RIMS1: variants seen among roughly 807,000 people sequenced by gnomAD.
RIMS1 encodes regulating synaptic membrane exocytosis 1.
RIMS1 carries 83 observed loss-of-function variants against 214.1 expected under a neutral mutation model. The ratio of observed to expected loss-of-function variants is 0.39; its 90% CI spans 0.32 to 0.47. The LOEUF is 0.47. Among genes scored for constraint, RIMS1 ranks in the 20% least tolerant of loss-of-function variants. The pLI, the probability that RIMS1 is intolerant of heterozygous loss-of-function variation, is 0.99. For synonymous variants in RIMS1, 793 were observed against 786.8 expected (o/e 1.01, Z -0.13); for missense variants, 2,050 against 2,161.8 (o/e 0.95, Z 1.03).
chr6:71,999,844 G>A (rs371858561), intron 2 of RIMS1, among the ~76,000 whole-genome samples: 4 of 152,028 alleles, frequency 2.6e-5, no homozygotes, highest in Admixed American at 1.3e-4. Flanking sequence ...CCAGCCTATC[G>A]TTCTCATAAT....
intron 29 of RIMS1, among the ~76,000 whole-genome samples, chr6:72,385,786 G>C (rs1396003721): frequency 6.6e-6 from 1 of 152,188 alleles, no homozygotes; most frequent in East Asian, 1.9e-4. Flanking sequence ...ATAAAACAAT[G>C]TTTCTTCTAA....
chr6:71,913,797 C>A (rs1777590707), intron 1 of RIMS1, among the ~76,000 whole-genome samples: 1 of 152,106 alleles, frequency 6.6e-6, no homozygotes, highest in African/African-American at 2.4e-5. Flanking sequence ...GCACACTTCT[C>A]TCTCCTCAAC....
chr6:72,363,439 G>T (rs573142209), intron 29 of RIMS1, among the ~76,000 whole-genome samples: 4 of 152,194 alleles, frequency 2.6e-5, no homozygotes, highest in Admixed American at 2.0e-4. Context: ...AATTTGATTC[G>T]CAGATTTAAA....
intron 15 of RIMS1, among the ~76,000 whole-genome samples, chr6:72,251,862 C>T (rs1390260809): frequency 6.6e-6 from 1 of 152,092 alleles, no homozygotes; most frequent in Non-Finnish European, 1.5e-5. Flanking sequence ...AGAAGTGCGC[C>T]ACCATGCCTG....
intron 1 of RIMS1, among the ~76,000 whole-genome samples, chr6:71,934,390 C>T (rs188727183): frequency 6.6e-6 from 1 of 152,298 alleles, no homozygotes; most frequent in Non-Finnish European, 1.5e-5. Flanking sequence ...TTACAATTAT[C>T]TACCTAAAAA....
At chr6:72,049,953 C>T (rs1177116803) in intron 2 of RIMS1, among the ~76,000 whole-genome samples, 1 of 152,076 alleles carries the variant, frequency 6.6e-6, no homozygotes, top group African/African-American at 2.4e-5. Flanking sequence ...ATGATGAAGG[C>T]ATGGTCAGAA....
chr6:72,110,131 A>G (rs2035736565), intron 4 of RIMS1, among the ~76,000 whole-genome samples: 1 of 152,222 alleles, frequency 6.6e-6, no homozygotes. Flanking sequence ...GAAGTCAGGT[A>G]GCATGATGCC....
At chr6:72,378,601 G>A (rs567097111) in intron 29 of RIMS1, among the ~76,000 whole-genome samples, 58 of 152,260 alleles carry the variant, frequency 3.8e-4, no homozygotes, top group African/African-American at 1.3e-3. Context: ...AGGCCAAGGC[G>A]GGTGGATCAC....
chr6:72,259,060 T>C lies in RIMS1; in HGVS notation c.3002T>C (p.Val1001Ala), dbSNP rs770258909. ...TRHHDASRSP[V>A]DHRTRDVDSQ... ...CACCATGATGCCTCCCGAAGTCCAGTTGATCATAGAACCAGAGATGTGGAT... is the reference window on the plus strand; with the variant it reads ...CACCATGATGCCTCCCGAAGTCCAGCTGATCATAGAACCAGAGATGTGGAT... The change falls in exon 18 of 34, where the codon GTT becomes GCT. Residue 1001 changes from valine (V) to alanine (A), a missense_variant. Physicochemically the swap from Val to Ala is moderately conservative, Grantham distance 64. Around this residue, in one of 6 missense-constraint regions of RIMS1, gnomAD observed 889 missense variants for 885.5 expected, o/e 1.00. Transcript: ENST00000521978. 8.9e-5 allele frequency: 144 copies of C among 1,612,540 alleles called. No individual in the cohort carries two copies. Among genetic ancestry groups the C allele is most frequent in the Non-Finnish European group, 1.1e-4 (134 of 1,178,916 alleles).
chr6:72,227,381 T>A (rs916657728), intron 6 of RIMS1, among the ~76,000 whole-genome samples: 14 of 151,658 alleles, frequency 9.2e-5, no homozygotes, highest in African/African-American at 2.9e-4. Flanking sequence ...TGCAGTTTCG[T>A]GCACATTATC....
chr6:72,369,430 T>A (rs753415627), intron 29 of RIMS1, among the ~76,000 whole-genome samples: 1 of 152,190 alleles, frequency 6.6e-6, no homozygotes, highest in South Asian at 2.1e-4. Context: ...TATTAAAAGA[T>A]GTGTTACAAG....
In RIMS1 at chr6:72,271,581, T is replaced by G. The variant is rs568736677; in HGVS notation, c.3399-2768T>G. On this transcript the variant is annotated intron_variant, in intron 22 of 33. Coordinates refer to ENST00000521978, the MANE Select transcript of RIMS1 (RefSeq NM_014989.7). The stretch of plus-strand genomic sequence containing the variant: ...GAGATATGCACCATTGAAAGACGTG[T>G]GTATATGCAAGTACAGGTATTAATA... Among the ~76,000 whole-genome samples the G allele has an allele frequency of 2.0e-5, 3 of 152,186 alleles. No homozygotes were observed. In the East Asian group the frequency reaches 5.8e-4, roughly 29 times the overall value.
chr6:72,187,075 G>A (rs894706850), intron 6 of RIMS1, among the ~76,000 whole-genome samples: 6 of 152,086 alleles, frequency 3.9e-5, no homozygotes, highest in South Asian at 2.1e-4. Flanking sequence ...GCGGTGAGCC[G>A]AGATTGTGCC....
intron 2 of RIMS1, among the ~76,000 whole-genome samples, chr6:72,053,176 A>G (rs534345619): frequency 1.5e-4 from 23 of 152,230 alleles, no homozygotes; most frequent in South Asian, 4.2e-4. Context: ...CCCAGTCCCT[A>G]TGTTCCTCAC....
intron 4 of RIMS1, among the ~76,000 whole-genome samples, chr6:72,120,614 C>A (rs1488798625): frequency 5.9e-5 from 9 of 151,908 alleles, no homozygotes; most frequent in Non-Finnish European, 1.5e-5. Context: ...CCTGTTCACT[C>A]TGATGGTAGT....
chr6:71,922,901 T>C (rs886491619), intron 1 of RIMS1, among the ~76,000 whole-genome samples: 1 of 152,174 alleles, frequency 6.6e-6, no homozygotes, highest in Non-Finnish European at 1.5e-5. Flanking sequence ...CCAGACTCCA[T>C]GGAGGAATAA....
intron 6 of RIMS1, among the ~76,000 whole-genome samples, chr6:72,213,763 C>T (rs772108673): frequency 6.6e-6 from 1 of 152,044 alleles, no homozygotes; most frequent in East Asian, 1.9e-4. Context: ...CAGGCCTTGA[C>T]CTAAACTACA....
chr6:72,388,414 G>C (rs1375525843), intron 29 of RIMS1, among the ~76,000 whole-genome samples: 3 of 152,212 alleles, frequency 2.0e-5, no homozygotes, highest in Non-Finnish European at 2.9e-5. Flanking sequence ...CCAAGGACCA[G>C]ATGATATGGC....
At chr6:72,012,872 G>T (rs1811312478) in intron 2 of RIMS1, among the ~76,000 whole-genome samples, 1 of 152,118 alleles carries the variant, frequency 6.6e-6, no homozygotes, top group Non-Finnish European at 1.5e-5. Context: ...GAGGTGTTTG[G>T]GTTAAATTGT....
Sources: gnomAD v4.1 joint callset for allele counts (sites outside exome capture counted in the v4.1 genomes callset) on GRCh38, gnomAD v4.1.1 for gene constraint, gnomAD v4.1.1 regional missense constraint, MANE v1.5 for transcripts, NCBI Gene and HGNC (gene_info 2026-07-23, HGNC 2026-07-21) for gene names.